The following DSCAM variants were observed in gnomAD, a reference collection of about 807,000 sequenced individuals.
DSCAM encodes the protein DS cell adhesion molecule.
A neutral mutation model predicts 217.7 loss-of-function variants in DSCAM; 47 were observed. That is an observed-to-expected ratio of 0.22 (90% confidence interval 0.17 to 0.28). The LOEUF (loss-of-function observed/expected upper bound fraction) is 0.28. Among genes scored for constraint, DSCAM ranks in the 10% least tolerant of loss-of-function variants. The pLI is 1.00. For missense variants in DSCAM, 2,080 were observed against 2,618.3 expected, an observed-to-expected ratio of 0.79 and a Z score of 4.49; for synonymous variants, 1,056 against 1,015.3, an observed-to-expected ratio of 1.04 and a Z score of -0.76.
intron 3 of DSCAM, among the ~76,000 whole-genome samples, chr21:40,582,915 T>C (rs775104888): frequency 2.0e-5 from 3 of 152,168 alleles, no homozygotes; most frequent in African/African-American, 4.8e-5. Context: ...TTATATGTAC[T>C]GCACACTGAT....
At chr21:40,688,592 T>C (rs377723527) in intron 3 of DSCAM, among the ~76,000 whole-genome samples, 13 of 152,352 alleles carry the variant, frequency 8.5e-5, no homozygotes, top group African/African-American at 2.9e-4. Context: ...TGGCTCATTT[T>C]AGGGAGGTAA....
intron 17 of DSCAM, 80 bp from the exon 18 acceptor site, chr21:40,142,784 A>G: frequency 6.7e-7 from 1 of 1,485,668 alleles, no homozygotes; most frequent in Non-Finnish European, 9.0e-7. Flanking sequence ...AACGTATTTT[A>G]ATATTTCAAT....
chr21:40,517,902 G>A (rs1236690112), intron 3 of DSCAM, among the ~76,000 whole-genome samples: 1 of 152,104 alleles, frequency 6.6e-6, no homozygotes, highest in Non-Finnish European at 1.5e-5. Context: ...GTCCAGCCCA[G>A]TGCTCTCATT....
At chr21:40,030,731 C>T (rs1359744422) in intron 32 of DSCAM, among the ~76,000 whole-genome samples, 1 of 152,158 alleles carries the variant, frequency 6.6e-6, no homozygotes, top group African/African-American at 2.4e-5. Flanking sequence ...GCTGGAAATC[C>T]AGGTCTCTCT....
intron 3 of DSCAM, among the ~76,000 whole-genome samples, chr21:40,466,818 G>A (rs1370288377): frequency 6.6e-6 from 1 of 152,122 alleles, no homozygotes; most frequent in East Asian, 1.9e-4. Flanking sequence ...AGGTTCCAAT[G>A]ATACTGTGGC....
chr21:40,522,684 A>C (rs2076368637), intron 3 of DSCAM, among the ~76,000 whole-genome samples: 1 of 152,208 alleles, frequency 6.6e-6, no homozygotes, highest in South Asian at 2.1e-4. Context: ...CATGAGCAAA[A>C]CAAACTTCGC....
intron 18 of DSCAM, among the ~76,000 whole-genome samples, chr21:40,140,991 G>A (rs1317861999): frequency 1.3e-5 from 2 of 152,128 alleles, no homozygotes; most frequent in Non-Finnish European, 2.9e-5. Context: ...GGTACTACAT[G>A]TGGCAACAAA....
At chr21:40,243,232 C>A (rs1476108845) in intron 11 of DSCAM, among the ~76,000 whole-genome samples, 2 of 151,882 alleles carry the variant, frequency 1.3e-5, no homozygotes, top group Non-Finnish European at 2.9e-5. Flanking sequence ...AGAATTAAAG[C>A]AGATGTACAA....
intron 3 of DSCAM, among the ~76,000 whole-genome samples, chr21:40,468,685 A>G (rs1173633894): frequency 6.6e-6 from 1 of 152,194 alleles, no homozygotes; most frequent in Non-Finnish European, 1.5e-5. Context: ...CGATAGCCTA[A>G]GGGGTTTATT....
chr21:40,060,314 GAGA>G (rs917425355), intron 28 of DSCAM, among the ~76,000 whole-genome samples: 24 of 152,336 alleles, frequency 1.6e-4, no homozygotes, highest in African/African-American at 5.5e-4. Context: ...AGAGGCTAGG[GAGA>G]AGGAGTAGGA....
At chr21:40,747,336 G>A (rs546773425) in intron 1 of DSCAM, among the ~76,000 whole-genome samples, 2 of 148,426 alleles carry the variant, frequency 1.3e-5, no homozygotes, top group African/African-American at 4.9e-5. Context: ...AAAAGAGAAA[G>A]GACTCAAATA....
chr21:40,381,226 T>A (rs998352623), intron 3 of DSCAM, among the ~76,000 whole-genome samples: 3 of 151,904 alleles, frequency 2.0e-5, no homozygotes, highest in African/African-American at 7.3e-5. Flanking sequence ...AACCACGGGG[T>A]GTGGCACTGG....
At chr21:40,711,300 G>C (rs996292856) in intron 1 of DSCAM, among the ~76,000 whole-genome samples, 37 of 152,152 alleles carry the variant, frequency 2.4e-4, no homozygotes, top group African/African-American at 7.2e-4. Context: ...CTAAGTCTAT[G>C]TGATAAAATA....
At chr21:40,740,288 C>A (rs562472351) in intron 1 of DSCAM, among the ~76,000 whole-genome samples, 23 of 152,240 alleles carry the variant, frequency 1.5e-4, no homozygotes, top group African/African-American at 5.5e-4. Flanking sequence ...ACTGCAGCCA[C>A]TTTGCAAAGC....
At chr21:40,031,160 C>T (rs532239189) in intron 32 of DSCAM, among the ~76,000 whole-genome samples, 1 of 152,288 alleles carries the variant, frequency 6.6e-6, no homozygotes, top group South Asian at 2.1e-4. Context: ...CAGTTCTAAT[C>T]ATTGCGAAAT....
chr21:40,247,418 T>C (rs528032370), intron 11 of DSCAM, among the ~76,000 whole-genome samples: 48 of 152,152 alleles, frequency 3.2e-4, no homozygotes, highest in African/African-American at 1.1e-3. Context: ...CTAGATACAA[T>C]GGGGGTACAG....
At chr21:40,378,235 C>T (rs1406716392) in intron 3 of DSCAM, among the ~76,000 whole-genome samples, 4 of 152,122 alleles carry the variant, frequency 2.6e-5, no homozygotes, top group South Asian at 2.1e-4. Flanking sequence ...ACAAAATTTA[C>T]TTAGAACTTG....
At chr21:40,217,298 G>A (rs1437324278) in intron 11 of DSCAM, among the ~76,000 whole-genome samples, 1 of 152,192 alleles carries the variant, frequency 6.6e-6, no homozygotes, top group African/African-American at 2.4e-5. Context: ...GTAATACTGA[G>A]AGAAGCAACC....
intron 1 of DSCAM, among the ~76,000 whole-genome samples, chr21:40,739,944 T>A (rs1318223453): frequency 1.4e-5 from 2 of 145,564 alleles, no homozygotes; most frequent in Non-Finnish European, 3.0e-5. Flanking sequence ...CTCTAGATGA[T>A]GCAGGTGTAA....
Sources: gnomAD v4.1 joint callset for allele counts (sites outside exome capture counted in the v4.1 genomes callset) on GRCh38, gnomAD v4.1.1 for gene constraint, MANE v1.5 for transcripts, NCBI Gene and HGNC (gene_info 2026-07-23, HGNC 2026-07-21) for gene names.